The following SEC23IP variants were observed in gnomAD, a reference collection of about 807,000 sequenced individuals.
SEC23IP encodes SEC23-interacting protein.
SEC23IP carries 70 observed loss-of-function variants against 113.4 expected under a neutral mutation model. The observed-to-expected ratio is 0.62, with a 90% CI of 0.51 to 0.75. The LOEUF is 0.75. Among genes scored for constraint, SEC23IP ranks in the 30% least tolerant of loss-of-function variants. The pLI, the probability that SEC23IP is intolerant of heterozygous loss-of-function variation, is 0.00. For missense variants in SEC23IP, 1,160 were observed against 1,204.9 expected, an observed-to-expected ratio of 0.96 and a Z score of 0.55; for synonymous variants, 398 against 421.0, an observed-to-expected ratio of 0.95 and a Z score of 0.67.
At chr10:119,928,110 G>A (rs189210569) in intron 13 of SEC23IP, among the ~76,000 whole-genome samples, 256 of 152,122 alleles carry the variant, frequency 1.7e-3, no homozygotes, top group Non-Finnish European at 3.2e-3. Flanking sequence ...TTACTTTTTA[G>A]TATTTCATTT....
chr10:119,903,331 ACT>A (rs1169920478), intron 3 of SEC23IP, among the ~76,000 whole-genome samples: 1 of 151,908 alleles, frequency 6.6e-6, no homozygotes, highest in Non-Finnish European at 1.5e-5. Flanking sequence ...ATTCTGTGGA[ACT>A]CTCTATCCTG....
chr10:119,918,598 T>TTTTG (rs112954131), intron 10 of SEC23IP, 87 bp downstream of exon 10: 115,151 of 733,674 alleles, frequency 0.16, 10,688 homozygotes, highest in Admixed American at 0.2. Flanking sequence ...TTCTTGAAAC[T>TTTTG]TTTGTTTGTT....
chr10:119,903,334 C>T (rs1854558998), intron 3 of SEC23IP, among the ~76,000 whole-genome samples: 1 of 152,192 alleles, frequency 6.6e-6, no homozygotes, highest in Non-Finnish European at 1.5e-5. Context: ...CTGTGGAACT[C>T]TCTATCCTGG....
chr10:119,912,159 C>T lies in SEC23IP; in HGVS notation c.1307C>T (p.Pro436Leu), dbSNP rs1263469135. 6.2e-7 allele frequency: 1 copy of T among 1,613,832 alleles called. No individual in the cohort carries two copies. The highest frequency in any genetic ancestry group is 1.3e-5 in the African/African-American group (1 of 74,892). Reference protein sequence around the residue: ...RGIDDNLDEIPDGEMPQVDHL... With the variant: ...RGIDDNLDEILDGEMPQVDHL... The stretch of plus-strand genomic sequence containing the variant: ...ATTGATGATAACCTTGATGAAATTC[C>T]CGACGGTGTGTATAGTTTGTTTAGA... The change falls in exon 6 of 19, where the codon CCC (proline) becomes CTC (leucine). Residue 436 changes from proline to leucine, a missense_variant. Transcript: ENST00000369075.
chr10:119,912,117 G>A lies in SEC23IP; in HGVS notation c.1265G>A (p.Arg422Lys), dbSNP rs1854883252. Reference sequence around the variant, plus strand: ...ACGCAAGATGGACAGACAAGGCCCAGGGTTGTAAAGCGTGGAATTGATGAT... The same window carrying A: ...ACGCAAGATGGACAGACAAGGCCCAAGGTTGTAAAGCGTGGAATTGATGAT... ...GTTQDGQTRP[R>K]VVKRGIDDNL... The change falls in exon 6 of 19, where the codon AGG becomes AAG. Residue 422 changes from arginine (R) to lysine (K), a missense_variant. By Grantham distance (26) the Arg-to-Lys change is conservative. Coordinates refer to ENST00000369075, the MANE Select transcript of SEC23IP (RefSeq NM_007190.4). 6.2e-7 allele frequency: 1 copy of A among 1,614,010 alleles called. No homozygotes were observed. Among genetic ancestry groups the A allele is most frequent in the Admixed American group, 1.7e-5 (1 of 60,006 alleles).
chr10:119,916,744 T>C (rs942365929), intron 8 of SEC23IP, among the ~76,000 whole-genome samples: 5 of 152,170 alleles, frequency 3.3e-5, no homozygotes, highest in Admixed American at 2.0e-4. Flanking sequence ...GGAAGAAAAA[T>C]GGAAGAGTAA....
chr10:119,917,748 T>G (rs1442484703), intron 8 of SEC23IP, 88 bp from the exon 9 acceptor site: 1 of 907,738 alleles, frequency 1.1e-6, no homozygotes, highest in Non-Finnish European at 1.7e-6. Flanking sequence ...TTAGTGTATT[T>G]TCAGGAGTCA....
rs570459980 is a variant in SEC23IP at position 119,929,543 on chromosome 10, A to G, written c.2314-64A>G. 4.2e-5 allele frequency: 62 copies of G among 1,464,756 alleles called. No individual in the cohort carries two copies. In the South Asian group the frequency reaches 4.7e-4, roughly 11 times the overall value. The allele number at this position is 1,464,756 out of a possible 1,614,324, so 90.7% of individuals were successfully genotyped here. ...GCCACCACGCCCGGCCTGAAAATTC[A>G]AAAGAATTTTCTACTAGGTGACATT... On this transcript the variant is annotated intron_variant, in intron 13 of 18. Coordinates refer to ENST00000369075, the MANE Select transcript of SEC23IP (RefSeq NM_007190.4).
At chr10:119,919,628 A>G (rs1164926403) in intron 11 of SEC23IP, 32 bp downstream of exon 11, 12 of 1,527,178 alleles carry the variant, frequency 7.9e-6, no homozygotes, top group Non-Finnish European at 1.1e-5. Context: ...ATTTTGTTTG[A>G]AATTGTTTTT....
At chr10:119,917,680 A>G (rs566353666) in intron 8 of SEC23IP, among the ~76,000 whole-genome samples, 156 bp from the exon 9 acceptor site, 1 of 152,194 alleles carries the variant, frequency 6.6e-6, no homozygotes, top group East Asian at 1.9e-4. Context: ...CATCTGGCCT[A>G]TCTTGATTTA....
At chr10:119,907,320 A>T (rs928561111) in intron 4 of SEC23IP, among the ~76,000 whole-genome samples, 3 of 152,062 alleles carry the variant, frequency 2.0e-5, no homozygotes. Context: ...CGGAAGACTG[A>T]TGAAGAGGAA....
chr10:119,909,399 G>C (rs1415636869), intron 5 of SEC23IP, among the ~76,000 whole-genome samples: 1 of 152,080 alleles, frequency 6.6e-6, no homozygotes, highest in African/African-American at 2.4e-5. Context: ...TTGAGCCAGG[G>C]GGACAGCAGA....
chr10:119,921,919 G>A (rs1258975139), intron 12 of SEC23IP, among the ~76,000 whole-genome samples: 1 of 151,786 alleles, frequency 6.6e-6, no homozygotes, highest in East Asian at 1.9e-4. Flanking sequence ...TATGGGAAAT[G>A]ACTATAAAGT....
At chr10:119,919,384 C>T (rs2475300) in intron 10 of SEC23IP, 60 bp from the exon 11 acceptor site, 1 of 1,416,526 alleles carries the variant, frequency 7.1e-7, no homozygotes, top group Non-Finnish European at 9.6e-7. Context: ...CGTAGATCAG[C>T]AGTCATTATA....
chr10:119,900,962 C>T (rs1854472346), intron 2 of SEC23IP, among the ~76,000 whole-genome samples: 1 of 143,938 alleles, frequency 6.9e-6, no homozygotes, highest in Non-Finnish European at 1.5e-5. Flanking sequence ...TTTGTGTGAA[C>T]ATACTTTAAA....
At chr10:119,923,515 T>C (rs1855316492) in intron 12 of SEC23IP, among the ~76,000 whole-genome samples, 1 of 152,044 alleles carries the variant, frequency 6.6e-6, no homozygotes, top group Non-Finnish European at 1.5e-5. Flanking sequence ...TTTCTAGTGT[T>C]GGGGATATTG....
intron 11 of SEC23IP, among the ~76,000 whole-genome samples, chr10:119,920,631 G>A (rs549447717): frequency 6.6e-6 from 1 of 152,284 alleles, no homozygotes; most frequent in Non-Finnish European, 1.5e-5. Flanking sequence ...ATATTTCATC[G>A]TATGCTTGAC....
chr10:119,936,052 C>T (rs532354332), intron 18 of SEC23IP, among the ~76,000 whole-genome samples: 2 of 152,224 alleles, frequency 1.3e-5, no homozygotes, highest in Admixed American at 6.5e-5. Flanking sequence ...TACAGTGATA[C>T]GTGATATTTT....
intron 18 of SEC23IP, among the ~76,000 whole-genome samples, chr10:119,936,897 A>T (rs1002942090): frequency 1.6e-4 from 24 of 148,886 alleles, no homozygotes; most frequent in East Asian, 1.0e-3. Flanking sequence ...ATTTTATTTT[A>T]TTTTTTTTAA....
Sources: gnomAD v4.1 joint callset for allele counts (sites outside exome capture counted in the v4.1 genomes callset) on GRCh38, gnomAD v4.1.1 for gene constraint, MANE v1.5 for transcripts, NCBI Gene and HGNC (gene_info 2026-07-23, HGNC 2026-07-21) for gene names.